SOX5: variants seen among roughly 807,000 people sequenced by gnomAD.
SOX5 encodes SRY-box transcription factor 5, also known as transcription factor SOX-5.
A neutral mutation model predicts 92.0 loss-of-function variants in SOX5; 9 were observed. The ratio of observed to expected loss-of-function variants is 0.10; its 90% confidence interval spans 0.06 to 0.17. SOX5 has a LOEUF of 0.17. Ranked by LOEUF, SOX5 falls within the 10% of genes least tolerant of loss-of-function variation. SOX5 has a pLI of 1.00. For synonymous variants in SOX5, 344 were observed against 336.3 expected (o/e 1.02, Z -0.25); for missense variants, 642 against 944.5 (o/e 0.68, Z 4.20).
At chr12:23,543,096 G>T in intron 13 of SOX5, 115 bp downstream of exon 13, 1 of 745,470 alleles carries the variant, frequency 1.3e-6, no homozygotes, top group Non-Finnish European at 2.1e-6. Flanking sequence ...TTATTTTCTG[G>T]ATAAGCAAAT....
chr12:24,146,402 T>C (rs1951085466), intron 4 of SOX5, among the ~76,000 whole-genome samples: 1 of 151,886 alleles, frequency 6.6e-6, no homozygotes, highest in Admixed American at 6.6e-5. Flanking sequence ...AAAGACAAAC[T>C]CAAAAGGCAA....
chr12:24,322,801 G>A (rs891514672), intron 2 of SOX5, among the ~76,000 whole-genome samples: 2 of 152,132 alleles, frequency 1.3e-5, no homozygotes, highest in Non-Finnish European at 2.9e-5. Flanking sequence ...AAAGGATGAA[G>A]TGAGAGTGTG....
Position 24,397,008 on chromosome 12 carries a change from A to C in SOX5, c.-250-28369T>G, listed in dbSNP as rs191070970. On this transcript the variant is annotated intron_variant, in intron 1 of 4. Coordinates refer to the SOX5 transcript ENST00000446891. ...TATGTTTGAAACTTACTATTTGTAA[A>C]GACTTACATATAGAGAGTTGTGTTA... Among the ~76,000 whole-genome samples the C allele has an allele frequency of 1.0e-3, 156 of 152,348 alleles. 3 individuals are homozygous for C. Among genetic ancestry groups the C allele is most frequent in the Non-Finnish European group, 1.4e-3 (92 of 68,034 alleles).
chr12:23,693,001 G>A (rs1227869666), intron 6 of SOX5, among the ~76,000 whole-genome samples: 1 of 152,028 alleles, frequency 6.6e-6, no homozygotes, highest in African/African-American at 2.4e-5. Flanking sequence ...GTTTAGATTG[G>A]TATTTGACTA....
At chr12:24,316,890 T>C (rs1465158592) in intron 2 of SOX5, among the ~76,000 whole-genome samples, 2 of 152,182 alleles carry the variant, frequency 1.3e-5, no homozygotes, top group Non-Finnish European at 2.9e-5. Context: ...GATAATTTGG[T>C]CCTGAAGCAG....
chr12:24,185,854 G>A (rs1434884742), intron 4 of SOX5, among the ~76,000 whole-genome samples: 1 of 152,148 alleles, frequency 6.6e-6, no homozygotes, highest in African/African-American at 2.4e-5. Flanking sequence ...TCTGCAACAT[G>A]GAAGGTACTT....
intron 11 of SOX5, among the ~76,000 whole-genome samples, chr12:23,561,944 G>C (rs1946285222): frequency 6.6e-6 from 1 of 152,110 alleles, no homozygotes; most frequent in Non-Finnish European, 1.5e-5. Flanking sequence ...GAGTCACTTT[G>C]CATTAGCATC....
intron 1 of SOX5, among the ~76,000 whole-genome samples, chr12:24,405,020 A>C (rs1042690692): frequency 6.6e-6 from 1 of 152,184 alleles, no homozygotes; most frequent in Admixed American, 6.5e-5. Flanking sequence ...CCAAAAAAGA[A>C]GGGCCCAGAA....
chr12:24,344,950 G>A lies in SOX5; in HGVS notation c.-174+23613C>T, dbSNP rs1330978406. Among the ~76,000 whole-genome samples, 3 of 152,112 alleles carry A rather than the reference G, an allele frequency of 2.0e-5. No homozygotes were observed. In the East Asian group the frequency reaches 5.8e-4, roughly 29 times the overall value. On this transcript the variant is annotated intron_variant, in intron 2 of 4. Transcript: ENST00000446891. ...CATCAAACTCATATTAAAAAAATGT[G>A]TACACATGAAAGTCTTTTAAGGATT...
intron 3 of SOX5, among the ~76,000 whole-genome samples, chr12:24,264,393 A>G (rs1942713270): frequency 1.3e-5 from 2 of 152,158 alleles, no homozygotes; most frequent in South Asian, 4.1e-4. Flanking sequence ...ATATTTGTCT[A>G]TGAATTTTGA....
At chr12:24,441,974 G>A (rs1940681455) in intron 1 of SOX5, among the ~76,000 whole-genome samples, 1 of 152,156 alleles carries the variant, frequency 6.6e-6, no homozygotes, top group Non-Finnish European at 1.5e-5. Flanking sequence ...GATTTAAGGA[G>A]GTAGGAAACT....
chr12:23,950,337 G>A (rs924926433), upstream of SOX5, among the ~76,000 whole-genome samples: 30 of 151,928 alleles, frequency 2.0e-4, no homozygotes, highest in African/African-American at 7.3e-4. Context: ...AACTTTGACA[G>A]ATTGAAATAT....
intron 3 of SOX5, among the ~76,000 whole-genome samples, chr12:24,265,502 C>CCA: frequency 6.6e-6 from 1 of 152,160 alleles, no homozygotes; most frequent in Middle Eastern, 3.4e-3. Flanking sequence ...TGAGGTCGTG[C>CCA]CACTGTACTC....
chr12:23,828,799 T>C (rs2096271592), intron 3 of SOX5, among the ~76,000 whole-genome samples: 1 of 151,732 alleles, frequency 6.6e-6, no homozygotes, highest in African/African-American at 2.4e-5. Flanking sequence ...CAAGTTCTTC[T>C]CCTAAGCCTC....
At chr12:23,687,189 T>C (rs1365249215) in intron 6 of SOX5, among the ~76,000 whole-genome samples, 1 of 152,070 alleles carries the variant, frequency 6.6e-6, no homozygotes, top group Non-Finnish European at 1.5e-5. Flanking sequence ...TGGGCCTACA[T>C]GTGTCGTCAC....
intron 4 of SOX5, among the ~76,000 whole-genome samples, chr12:24,130,302 G>A (rs1167662064): frequency 3.3e-5 from 5 of 152,196 alleles, no homozygotes; most frequent in Admixed American, 6.5e-5. Flanking sequence ...AATAATGTGG[G>A]TGGTCACTAT....
chr12:24,316,970 G>A (rs933487458), intron 2 of SOX5, among the ~76,000 whole-genome samples: 3 of 152,086 alleles, frequency 2.0e-5, no homozygotes, highest in African/African-American at 4.8e-5. Flanking sequence ...TTACCCAGGG[G>A]TCAGAATCTC....
At chr12:23,552,777 T>G (rs1189244071) in intron 11 of SOX5, among the ~76,000 whole-genome samples, 1 of 151,914 alleles carries the variant, frequency 6.6e-6, no homozygotes, top group Admixed American at 6.6e-5. Flanking sequence ...GATTTTCAAG[T>G]GGTGGACATA....
intron 11 of SOX5, among the ~76,000 whole-genome samples, chr12:23,551,560 A>G (rs770715035): frequency 8.6e-5 from 13 of 151,964 alleles, no homozygotes; most frequent in Non-Finnish European, 1.6e-4. Context: ...ACAAAAGTAC[A>G]TGTTGAAGAG....
Sources: gnomAD v4.1 joint callset for allele counts (sites outside exome capture counted in the v4.1 genomes callset) on GRCh38, gnomAD v4.1.1 for gene constraint, MANE v1.5 for transcripts, NCBI Gene and HGNC (gene_info 2026-07-23, HGNC 2026-07-21) for gene names.